The following PTPRU variants were observed in gnomAD, a reference collection of about 807,000 sequenced individuals.
PTPRU encodes protein tyrosine phosphatase receptor type U, also known as receptor-type tyrosine-protein phosphatase U.
In PTPRU, 69 loss-of-function variants were observed where a neutral mutation model predicts 166.3. That is an observed-to-expected ratio of 0.41 (90% CI 0.34 to 0.51). The LOEUF is 0.51. Among genes scored for constraint, PTPRU ranks in the 20% least tolerant of loss-of-function variants. PTPRU has a pLI of 0.09. For synonymous variants in PTPRU, 793 were observed against 814.0 expected, an observed-to-expected ratio of 0.97 and a Z score of 0.44; for missense variants, 1,657 against 2,013.7, an observed-to-expected ratio of 0.82 and a Z score of 3.39.
intron 11 of PTPRU, among the ~76,000 whole-genome samples, chr1:29,281,305 G>C (rs993130962): frequency 1.3e-5 from 2 of 152,178 alleles, no homozygotes; most frequent in Non-Finnish European, 2.9e-5. Flanking sequence ...CCAGGAAAAA[G>C]TCACGGGGTC....
Position 29,280,240 on chromosome 1 carries a change from T to G in PTPRU, c.1868+99T>G. 1 of 1,150,272 alleles carries G rather than the reference T, an allele frequency of 8.7e-7. No individual in the cohort carries two copies. Among genetic ancestry groups the G allele is most frequent in the Non-Finnish European group, 1.2e-6 (1 of 801,784 alleles). 71.3% of individuals were successfully genotyped at this position (1,150,272 alleles called of 1,614,324 possible). On this transcript the variant is annotated intron_variant, in intron 11 of 29. Coordinates refer to ENST00000373779, the MANE Select transcript of PTPRU (RefSeq NM_133178.4). This position sits in a 1 kb window ranked among gnomAD's most constrained non-coding sequence, Gnocchi z 4.2. ...ATCCCAGGCCAGCTCACCCTTTTCC[T>G]CCCTCAGTCTCCCACGCAGGGCTTG...
intron 29 of PTPRU, 117 bp downstream of exon 29, chr1:29,325,443 C>T (rs974507735): frequency 1.3e-6 from 2 of 1,518,084 alleles, no homozygotes; most frequent in Non-Finnish European, 1.8e-6. Context: ...GGTTCTAGCC[C>T]TGTGGTCCTA....
At chr1:29,302,047 CGTGT>C (rs929219691) in intron 15 of PTPRU, among the ~76,000 whole-genome samples, 179 of 151,924 alleles carry the variant, frequency 1.2e-3, no homozygotes, top group African/African-American at 4.1e-3. Flanking sequence ...ATGACGGCTA[CGTGT>C]GTGTTATTGC....
intron 14 of PTPRU, chr1:29,289,679 C>A: frequency 1.2e-6 from 2 of 1,614,064 alleles, no homozygotes; most frequent in Non-Finnish European, 1.7e-6. Flanking sequence ...TTGCACGCTG[C>A]CAGGAGAGAC....
At chr1:29,277,163 C>A (rs954371371) in intron 8 of PTPRU, among the ~76,000 whole-genome samples, 1 of 152,122 alleles carries the variant, frequency 6.6e-6, no homozygotes, top group African/African-American at 2.4e-5. Context: ...TGCAGTGGCA[C>A]AATCTCGGCT....
At chr1:29,240,986 G>C (rs527348289) in intron 1 of PTPRU, among the ~76,000 whole-genome samples, 1 of 152,180 alleles carries the variant, frequency 6.6e-6, no homozygotes, top group Non-Finnish European at 1.5e-5. Context: ...GGGGAGGCTG[G>C]CTGAGGTGTG....
Position 29,260,121 on chromosome 1 carries a change from CGGGGGCGTGGCCGTG to C in PTPRU, c.850+83_850+97del. On this transcript the variant is annotated intron_variant, in intron 6 of 29. Transcript: ENST00000373779. This position sits in a 1 kb window ranked among gnomAD's most constrained non-coding sequence, Gnocchi z 8.3. The stretch of plus-strand genomic sequence containing the variant: ...GCCGGCGACGGGGGCGGGCTCTGCC[CGGGGGCGTGGCCGTG>C]GGGGGTGGGGCCGGCAGGGTGTCGC... 1 of 327,218 alleles carries C rather than the reference CGGGGGCGTGGCCGTG, an allele frequency of 3.1e-6. No homozygotes were observed. The highest frequency in any genetic ancestry group is 9.4e-5 in the East Asian group (1 of 10,604). 20.3% of individuals were successfully genotyped at this position (327,218 alleles called of 1,614,324 possible). A position where few individuals can be genotyped will look rare whatever the true frequency, so the allele number is the denominator to read the frequency against.
intron 11 of PTPRU, among the ~76,000 whole-genome samples, chr1:29,282,416 C>T (rs1038711978): frequency 9.9e-5 from 15 of 152,192 alleles, no homozygotes; most frequent in African/African-American, 3.4e-4. Context: ...CAGGAATAAC[C>T]GCTGACAGGT....
Position 29,323,439 on chromosome 1 carries a change from G to A in PTPRU, c.3897G>A (p.Ser1299=), listed in dbSNP as rs1319044877. The change falls in exon 27 of 30, where the codon TCG becomes TCA. Residue 1299 remains serine (S), a synonymous_variant. Transcript: ENST00000373779. The part of the protein sequence containing the change: ...QYGLMEVEFM[S]GTADEDLVAR... The stretch of plus-strand genomic sequence containing the variant: ...GCCTCATGGAGGTGGAGTTTATGTC[G>A]GGCACAGCTGATGAAGACTTAGTGG... 8 of 1,609,558 alleles carry A rather than the reference G, an allele frequency of 5.0e-6. No individual in the cohort carries two copies. Among genetic ancestry groups the A allele is most frequent in the East Asian group, 4.5e-5 (2 of 44,628 alleles).
intron 1 of PTPRU, among the ~76,000 whole-genome samples, chr1:29,246,680 G>C (rs2819603): frequency 2.0e-5 from 3 of 151,594 alleles, no homozygotes; most frequent in Non-Finnish European, 4.4e-5. Context: ...CAATGGAGCG[G>C]TCTGGGCTCA....
intron 12 of PTPRU, 147 bp downstream of exon 12, chr1:29,283,096 C>T (rs1251709410): frequency 9.5e-6 from 11 of 1,152,202 alleles, no homozygotes; most frequent in African/African-American, 1.5e-5. Flanking sequence ...CATAGCTCCT[C>T]CTCCTACAGC....
chr1:29,292,347 G>A (rs981379713), intron 15 of PTPRU, among the ~76,000 whole-genome samples: 65 of 152,338 alleles, frequency 4.3e-4, no homozygotes, highest in African/African-American at 1.5e-3. Context: ...TATGTGAGAG[G>A]TGGGGATACA....
At chr1:29,321,394 G>T (rs1031077388) in intron 26 of PTPRU, among the ~76,000 whole-genome samples, 8 of 152,082 alleles carry the variant, frequency 5.3e-5, no homozygotes, top group Non-Finnish European at 8.8e-5. Flanking sequence ...TGCACTCATG[G>T]TCTTATTTAG....
In PTPRU at chr1:29,259,966, G is replaced by T; in HGVS notation, c.772G>T (p.Glu258Ter). Residue 258 changes from glutamate to a stop codon, truncating the protein, a stop_gained, in exon 6 of 30, where the codon GAG becomes TAG. Transcript: ENST00000373779. LOFTEE classifies it high-confidence loss of function. Reference protein sequence around the residue: ...TFPLAAVSRAEQDLYRCVSQA... With the variant: ...TFPLAAVSRA ...CCCGCTGGCTGCCGTGAGCCGCGCC[G>T]AGCAGGACCTGTACCGCTGTGTGTC... The T allele has an allele frequency of 6.5e-7, 1 of 1,549,990 alleles. No individual in the cohort carries two copies. The highest frequency in any genetic ancestry group is 2.4e-5 in the East Asian group (1 of 41,796).
intron 18 of PTPRU, among the ~76,000 whole-genome samples, chr1:29,308,516 G>A (rs1248451519): frequency 4.5e-5 from 6 of 133,844 alleles, no homozygotes; most frequent in South Asian, 2.4e-4. Flanking sequence ...GCAGTGAGTC[G>A]AGATCGTGCC....
Position 29,320,712 on chromosome 1 carries a change from G to A in PTPRU, c.3715G>A (p.Val1239Met), listed in dbSNP as rs751186186. The change falls in exon 26 of 30, where the codon GTG becomes ATG. Residue 1239 changes from valine (V) to methionine (M), a missense_variant. Transcript: ENST00000373779. The surrounding 1 kb of genome is among the most constrained non-coding windows in gnomAD (Gnocchi z 5.2). Reference sequence around the variant, plus strand: ...CTACACACGGAGTGCGGCCTTCATCGTGACCCTGCACCCGCTGCAGAGCAC... The same window carrying A: ...CTACACACGGAGTGCGGCCTTCATCATGACCCTGCACCCGCTGCAGAGCAC... Reference protein sequence around the residue: ...DSYTRSAAFIVTLHPLQSTTP... With the variant: ...DSYTRSAAFIMTLHPLQSTTP... 8.7e-6 allele frequency: 14 copies of A among 1,602,398 alleles called. No individual in the cohort carries two copies. Among genetic ancestry groups the A allele is most frequent in the East Asian group, 4.5e-5 (2 of 44,460 alleles).
intron 18 of PTPRU, among the ~76,000 whole-genome samples, chr1:29,310,409 C>G (rs1687594968): frequency 6.6e-6 from 1 of 152,132 alleles, no homozygotes; most frequent in African/African-American, 2.4e-5. Flanking sequence ...ATTGGGGACT[C>G]TGTCTCCGAA....
Position 29,259,527 on chromosome 1 carries a change from C to T in PTPRU, c.638C>T (p.Ala213Val). The T allele has an allele frequency of 2.2e-6, 3 of 1,349,926 alleles. No homozygotes were observed. The highest frequency in any genetic ancestry group is 2.9e-6 in the Non-Finnish European group (3 of 1,017,296). The allele number at this position is 1,349,926 out of a possible 1,614,324, so 83.6% of individuals were successfully genotyped here. ...AACGCGTCGTTCCAGTGCATGGCCG[C>T]GGGCAGAGCGGCCGAGGCCGAACGC... The part of the protein sequence containing the change: ...GQNASFQCMA[A>V]GRAAEAERFL... The change falls in exon 5 of 30, where the codon GCG becomes GTG. Residue 213 changes from alanine to valine, a missense_variant. By Grantham distance (64) the Ala-to-Val change is moderately conservative. Coordinates refer to ENST00000373779, the MANE Select transcript of PTPRU (RefSeq NM_133178.4).
chr1:29,315,656 C>T lies in PTPRU; in HGVS notation c.3363+149C>T, dbSNP rs1687871295. 2 of 1,185,300 alleles carry T rather than the reference C, an allele frequency of 1.7e-6. No individual in the cohort carries two copies. The highest frequency in any genetic ancestry group is 1.4e-5 in the South Asian group (1 of 71,756). 73.4% of individuals were successfully genotyped at this position (1,185,300 alleles called of 1,614,324 possible). On this transcript the variant is annotated intron_variant, in intron 23 of 29. Transcript: ENST00000373779. This position sits in a 1 kb window ranked among gnomAD's most constrained non-coding sequence, Gnocchi z 4.5. ...ATCCCTGACCTTGGGCCGCCAACTG[C>T]ATAGGGTCATCCTGAACTGCTCCCC...
Sources: gnomAD v4.1 joint callset for allele counts (sites outside exome capture counted in the v4.1 genomes callset) on GRCh38, gnomAD v4.1.1 for gene constraint, Gnocchi (gnomAD v3.1) non-coding constraint, MANE v1.5 for transcripts, NCBI Gene and HGNC (gene_info 2026-07-23, HGNC 2026-07-21) for gene names.